The following FGL2 variants were observed in gnomAD, a reference collection of about 807,000 sequenced individuals.
FGL2 encodes fibrinogen like 2.
Under a neutral mutation model 36.0 loss-of-function variants are expected in FGL2, and 21 were observed. The ratio of observed to expected loss-of-function variants is 0.58; its 90% CI spans 0.41 to 0.84. The LOEUF (loss-of-function observed/expected upper bound fraction) is 0.84, where lower values mean the gene tolerates loss of function less well. Among genes scored for constraint, FGL2 ranks in the 40% least tolerant of loss-of-function variants. FGL2 has a pLI of 0.00. For missense variants in FGL2, 444 were observed against 526.3 expected (o/e 0.84, Z 1.53); for synonymous variants, 183 against 190.7 (o/e 0.96, Z 0.33).
chr7:77,196,656 A>G lies in FGL2; in HGVS notation c.943T>C (p.Leu315=), dbSNP rs1290670049. ...TTAGCCACATAAAACTGATCATACAAGGCATATAGTTCGACACCATTAAAG... is the reference window on the plus strand; with the variant it reads ...TTAGCCACATAAAACTGATCATACAGGGCATATAGTTCGACACCATTAAAG... ...EDFNGVELYA[L]YDQFYVANEF... is the part of the protein sequence containing the mutation. The change falls in exon 2 of 2, where the codon TTG becomes CTG. Residue 315 remains leucine (L), a synonymous_variant. Transcript: ENST00000248598. The surrounding 1 kb of genome is among the most constrained non-coding windows in gnomAD (Gnocchi z 4.2). The G allele has an allele frequency of 6.2e-7, 1 of 1,614,038 alleles. No homozygotes were observed. The highest frequency in any genetic ancestry group is 1.3e-5 in the African/African-American group (1 of 74,946).
At position 77,193,623 on chromosome 7, in the gene FGL2, T is replaced by G. The variant is rs1266354548; in HGVS notation, c.*2656A>C. ...TTTCTTATGTTTTGTATATTTAAGC[T>G]CTTTATTTATTGAACAGATGTGTCA... On this transcript the variant is annotated 3_prime_UTR_variant, in exon 2 of 2. Coordinates refer to ENST00000248598, the MANE Select transcript of FGL2 (RefSeq NM_006682.3). 6.6e-6 allele frequency: 1 copy of G among 152,190 alleles called. No individual in the cohort carries two copies. The highest frequency in any genetic ancestry group is 1.5e-5 in the Non-Finnish European group (1 of 68,014). The allele number at this position is 152,190 out of a possible 1,614,324, so 9.4% of individuals were successfully genotyped here. A position where few individuals can be genotyped will look rare whatever the true frequency, so the allele number is the denominator to read the frequency against.
chr7:77,196,511 T>C lies in FGL2; in HGVS notation c.1088A>G (p.Asn363Ser), dbSNP rs755801771. 5 of 1,614,128 alleles carry C rather than the reference T, an allele frequency of 3.1e-6. No individual in the cohort carries two copies. The highest frequency in any genetic ancestry group is 1.7e-5 in the Admixed American group (1 of 60,026). ...ACAGTTCCCAGAAGGATATCGATCATTGTCTTTATCTGGAGTGGTGAAAAA... is the reference window on the plus strand; with the variant it reads ...ACAGTTCCCAGAAGGATATCGATCACTGTCTTTATCTGGAGTGGTGAAAAA... ...LKFFTTPDKD[N>S]DRYPSGNCGL... Residue 363 changes from asparagine to serine, a missense_variant, in exon 2 of 2, where the codon AAT becomes AGT. Physicochemically the swap from Asn to Ser is conservative, Grantham distance 46. Transcript: ENST00000248598. The surrounding 1 kb of genome is among the most constrained non-coding windows in gnomAD (Gnocchi z 4.2).
intron 1 of FGL2, chr7:77,198,935 T>G: frequency 1.9e-6 from 1 of 531,216 alleles, no homozygotes; most frequent in Non-Finnish European, 3.3e-6. Context: ...AGGTCTGGCA[T>G]TAACAAATAA....
chr7:77,194,355 T>TA lies in FGL2; in HGVS notation c.*1923dup, dbSNP rs1463211859. On this transcript the variant is annotated 3_prime_UTR_variant, in exon 2 of 2. Transcript: ENST00000248598. The stretch of plus-strand genomic sequence containing the variant: ...TTAGTCTTTTTTAAAAAGTAAAAAG[T>TA]AAAAAACAACGTCAGTTACATCATT... 1.3e-5 allele frequency: 2 copies of TA among 152,060 alleles called. No homozygotes were observed. Among genetic ancestry groups the TA allele is most frequent in the South Asian group, 2.1e-4 (1 of 4,830 alleles). 9.4% of individuals were successfully genotyped at this position (152,060 alleles called of 1,614,324 possible). A position where few individuals can be genotyped will look rare whatever the true frequency, so the allele number is the denominator to read the frequency against.
In FGL2 at chr7:77,199,405, ACT is replaced by A. The variant is rs1791938859; in HGVS notation, c.387_388del (p.Arg129SerfsTer2). ...GTTAACCTCACTCTCTAATTCTCTA[ACT>A]CTGTTATCACCAACCTCTCCCGGGG... is the stretch of plus-strand genomic sequence containing the variant. On this transcript the variant is annotated frameshift_variant, in exon 1 of 2. Transcript: ENST00000248598. LOFTEE classifies it high-confidence loss of function. 1 of 1,613,636 alleles carries A rather than the reference ACT, an allele frequency of 6.2e-7. No individual in the cohort carries two copies. Among genetic ancestry groups the A allele is most frequent in the South Asian group, 1.1e-5 (1 of 91,060 alleles).
At chr7:77,199,080 C>G (rs1791929206) in intron 1 of FGL2, 101 bp downstream of exon 1, 1 of 978,908 alleles carries the variant, frequency 1.0e-6, no homozygotes, top group Admixed American at 2.3e-5. Context: ...AAGACTTAAT[C>G]TGTCATCTAT....
chr7:77,196,343 C>T lies in FGL2; in HGVS notation c.1256G>A (p.Gly419Asp), dbSNP rs1791869095. Residue 419 changes from glycine to aspartate, a missense_variant, in exon 2 of 2, where the codon GGT becomes GAT. By Grantham distance (94) the Gly-to-Asp change is moderately conservative. Coordinates refer to ENST00000248598, the MANE Select transcript of FGL2 (RefSeq NM_006682.3). The surrounding 1 kb of genome is among the most constrained non-coding windows in gnomAD (Gnocchi z 4.2). ...CTCTTTGAAGGAGGACTTGTAGCCA[C>T]CAGGGTGTGCCTCACTTACACCAGG... ...TWPGVSEAHP[G>D]GYKSSFKEAK... The T allele has an allele frequency of 5.0e-6, 8 of 1,614,088 alleles. No homozygotes were observed. The highest frequency in any genetic ancestry group is 6.8e-6 in the Non-Finnish European group (8 of 1,179,990).
intron 1 of FGL2, among the ~76,000 whole-genome samples, chr7:77,197,673 C>T (rs1791900782): frequency 6.6e-6 from 1 of 152,174 alleles, no homozygotes; most frequent in Non-Finnish European, 1.5e-5. Flanking sequence ...AATCCTAATG[C>T]ATAGGATTGA....
In FGL2 at chr7:77,199,367, C is replaced by T; in HGVS notation, c.427G>A (p.Glu143Lys). 6.2e-7 allele frequency: 1 copy of T among 1,614,066 alleles called. No individual in the cohort carries two copies. Among genetic ancestry groups the T allele is most frequent in the Non-Finnish European group, 8.5e-7 (1 of 1,179,952 alleles). The part of the protein sequence containing the change: ...LESEVNKLSS[E>K]LKNAKEEINV... ...ATCTCCTCTTTGGCATTCTTTAGCT[C>T]AGAGGACAGCTTGTTAACCTCACTC... Residue 143 changes from glutamate to lysine, a missense_variant, in exon 1 of 2, where the codon GAG becomes AAG. Transcript: ENST00000248598.
At position 77,196,614 on chromosome 7, in the gene FGL2, G is replaced by A. The variant is rs1373659990; in HGVS notation, c.985C>T (p.Arg329Cys). The stretch of plus-strand genomic sequence containing the variant: ...CCATTATAGTTACCAACGTGTAAAC[G>A]ATATTTGAGAAACTCATTAGCCACA... ...FYVANEFLKY[R>C]LHVGNYNGTA... Residue 329 changes from arginine to cysteine, a missense_variant, in exon 2 of 2, where the codon CGT becomes TGT. Transcript: ENST00000248598. The surrounding 1 kb of genome is among the most constrained non-coding windows in gnomAD (Gnocchi z 4.2). 1.9e-6 allele frequency: 3 copies of A among 1,614,010 alleles called. No homozygotes were observed. Among genetic ancestry groups the A allele is most frequent in the South Asian group, 1.1e-5 (1 of 91,066 alleles).
intron 1 of FGL2, chr7:77,198,223 C>CT (rs1791912680): frequency 1.0e-6 from 1 of 985,354 alleles, no homozygotes; most frequent in African/African-American, 1.7e-5. Flanking sequence ...CCCTTCCCTC[C>CT]TTCACTGGCA....
intron 1 of FGL2, 29 bp from the exon 2 acceptor site, chr7:77,197,014 G>T: frequency 7.3e-7 from 1 of 1,363,468 alleles, no homozygotes. Context: ...GAAGGCATTG[G>T]ATCTTGTTAA....
At position 77,196,270 on chromosome 7, in the gene FGL2, C is replaced by T. The variant is rs1584060854; in HGVS notation, c.*9G>A. ...GATAACGAATACCTGGAGGAATGAA[C>T]AGAGTGATTTATGGCTTAAAGTGCT... On this transcript the variant is annotated 3_prime_UTR_variant, in exon 2 of 2. Coordinates refer to ENST00000248598, the MANE Select transcript of FGL2 (RefSeq NM_006682.3). This position sits in a 1 kb window ranked among gnomAD's most constrained non-coding sequence, Gnocchi z 4.2. 1.2e-6 allele frequency: 2 copies of T among 1,600,552 alleles called. No individual in the cohort carries two copies. Among genetic ancestry groups the T allele is most frequent in the Non-Finnish European group, 1.7e-6 (2 of 1,170,282 alleles).
Position 77,199,639 on chromosome 7 carries a change from G to A in FGL2, c.155C>T (p.Ala52Val). The change falls in exon 1 of 2, where the codon GCA (alanine) becomes GTA (valine). Residue 52 changes from alanine (A) to valine (V), a missense_variant. Transcript: ENST00000248598. ...RLESRGKCEE[A>V]GECPYQVSLP... ...GCTTACCTGGTAGGGGCACTCCCCT[G>A]CCTCTTCGCATTTCCCTCTGCTTTC... The A allele has an allele frequency of 6.2e-7, 1 of 1,614,086 alleles. No individual in the cohort carries two copies. The highest frequency in any genetic ancestry group is 1.7e-5 in the Admixed American group (1 of 60,024).
At position 77,194,152 on chromosome 7, in the gene FGL2, C is replaced by T. The variant is rs553524444; in HGVS notation, c.*2127G>A. 2 of 152,080 alleles carry T rather than the reference C, an allele frequency of 1.3e-5. No homozygotes were observed. The highest frequency in any genetic ancestry group is 4.2e-4 in the South Asian group (2 of 4,816). The allele number at this position is 152,080 out of a possible 1,614,324, so 9.4% of individuals were successfully genotyped here. On this transcript the variant is annotated 3_prime_UTR_variant, in exon 2 of 2. Coordinates refer to ENST00000248598, the MANE Select transcript of FGL2 (RefSeq NM_006682.3). ...AATTCTCCTGAAGTTATACCTAGTT[C>T]CCATTAAATTAATGGACACCGTGTA...
intron 1 of FGL2, chr7:77,198,013 A>G (rs575721663): frequency 8.6e-5 from 36 of 418,082 alleles, no homozygotes; most frequent in Non-Finnish European, 1.1e-4. Flanking sequence ...AGAGCTCAGA[A>G]TATTCAGTTA....
rs1419881312 is a variant in FGL2 at position 77,196,797 on chromosome 7, A to G, written c.802T>C (p.Trp268Arg). The G allele has an allele frequency of 6.2e-7, 1 of 1,614,026 alleles. No individual in the cohort carries two copies. The highest frequency in any genetic ancestry group is 8.5e-7 in the Non-Finnish European group (1 of 1,179,998). Residue 268 changes from tryptophan (W) to arginine (R), a missense_variant, in exon 2 of 2, where the codon TGG (tryptophan) becomes CGG (arginine). Coordinates refer to ENST00000248598, the MANE Select transcript of FGL2 (RefSeq NM_006682.3). The surrounding 1 kb of genome is among the most constrained non-coding windows in gnomAD (Gnocchi z 4.2). ...CCAAAGCCTGCTTTGTAGTCTTGCCATGTTCTGGTGAAGTTGGTGCTCCCA... is the reference window on the plus strand; with the variant it reads ...CCAAAGCCTGCTTTGTAGTCTTGCCGTGTTCTGGTGAAGTTGGTGCTCCCA... ...LDGSTNFTRT[W>R]QDYKAGFGNL...
chr7:77,196,838 A>G lies in FGL2; in HGVS notation c.761T>C (p.Leu254Pro), dbSNP rs368142215. 4 of 1,613,472 alleles carry G rather than the reference A, an allele frequency of 2.5e-6. No homozygotes were observed. Among genetic ancestry groups the G allele is most frequent in the East Asian group, 2.2e-5 (1 of 44,842 alleles). The change falls in exon 2 of 2, where the codon CTG (leucine) becomes CCG (proline). Residue 254 changes from leucine to proline, a missense_variant. Leu to Pro is a moderately conservative substitution (Grantham distance 98). Transcript: ENST00000248598. This position sits in a 1 kb window ranked among gnomAD's most constrained non-coding sequence, Gnocchi z 4.2. ...GGTGCTCCCATCGAGACGTGCCTGC[A>G]GCACTGTCCAGCCTCCCCCCATGGT... Reference protein sequence around the residue: ...METMGGGWTVLQARLDGSTNF... With the variant: ...METMGGGWTVPQARLDGSTNF...
Position 77,196,040 on chromosome 7 carries a change from A to G in FGL2, c.*239T>C, listed in dbSNP as rs533479930. 11 of 458,758 alleles carry G rather than the reference A, an allele frequency of 2.4e-5. No homozygotes were observed. In the East Asian group the frequency reaches 2.6e-4, roughly 11 times the overall value. The allele number at this position is 458,758 out of a possible 1,614,324, so 28.4% of individuals were successfully genotyped here. ...ATTAAAAGAATTGTAAATCTAATGT[A>G]TAATTCTCAATATTGCTAATTGCTT... On this transcript the variant is annotated 3_prime_UTR_variant, in exon 2 of 2. Coordinates refer to ENST00000248598, the MANE Select transcript of FGL2 (RefSeq NM_006682.3). This position sits in a 1 kb window ranked among gnomAD's most constrained non-coding sequence, Gnocchi z 4.2.
Sources: gnomAD v4.1 joint callset for allele counts (sites outside exome capture counted in the v4.1 genomes callset) on GRCh38, gnomAD v4.1.1 for gene constraint, Gnocchi (gnomAD v3.1) non-coding constraint, MANE v1.5 for transcripts, NCBI Gene and HGNC (gene_info 2026-07-23, HGNC 2026-07-21) for gene names.